The following DDX31 variants were observed in gnomAD, a reference collection of about 807,000 sequenced individuals.
DDX31 encodes the protein ATP-dependent DNA helicase DDX31.
Under a neutral mutation model 91.3 loss-of-function variants are expected in DDX31, and 70 were observed. That is an observed-to-expected ratio of 0.77 (90% confidence interval 0.63 to 0.94). The LOEUF (loss-of-function observed/expected upper bound fraction) is 0.94, where lower values mean the gene tolerates loss of function less well. Among genes scored for constraint, DDX31 ranks in the 40% least tolerant of loss-of-function variants. The pLI, the probability that DDX31 is intolerant of heterozygous loss-of-function variation, is 0.00. For synonymous variants in DDX31, 362 were observed against 350.6 expected, an observed-to-expected ratio of 1.03 and a Z score of -0.36; for missense variants, 902 against 925.0, an observed-to-expected ratio of 0.98 and a Z score of 0.32.
At chr9:132,642,631 T>G (rs1347252807) in intron 13 of DDX31, among the ~76,000 whole-genome samples, 4 of 150,402 alleles carry the variant, frequency 2.7e-5, no homozygotes, top group Non-Finnish European at 5.9e-5. Flanking sequence ...TAACCAAATA[T>G]GCAGCTTTCC....
intron 19 of DDX31, among the ~76,000 whole-genome samples, chr9:132,597,672 G>A (rs565484464): frequency 2.6e-5 from 4 of 152,286 alleles, no homozygotes; most frequent in Admixed American, 2.0e-4. Flanking sequence ...AGGCACCAGC[G>A]CTCAGGCAGT....
chr9:132,642,606 A>G (rs959883811), intron 13 of DDX31, among the ~76,000 whole-genome samples: 3 of 151,792 alleles, frequency 2.0e-5, no homozygotes, highest in African/African-American at 7.3e-5. Context: ...CCGAGTCTCC[A>G]TTTTATGCAT....
In DDX31 at chr9:132,612,274, G is replaced by A. The variant is rs1470259226; in HGVS notation, c.1826-19C>T. On this transcript the variant is annotated intron_variant, in intron 18 of 19. Transcript: ENST00000372159. ...TGCAGAGCTGAAAGAAAAGAGAGCG[G>A]GGAGGGAAGCTGTCAGGACCGGGGT... The A allele has an allele frequency of 1.2e-6, 2 of 1,613,818 alleles. No homozygotes were observed. The highest frequency in any genetic ancestry group is 2.7e-5 in the African/African-American group (2 of 74,918).
At chr9:132,622,141 T>C (rs984121908) in intron 17 of DDX31, among the ~76,000 whole-genome samples, 6 of 152,206 alleles carry the variant, frequency 3.9e-5, no homozygotes, top group Admixed American at 6.5e-5. Context: ...GGGCACTTTA[T>C]ACCTCGTTTT....
intron 18 of DDX31, among the ~76,000 whole-genome samples, chr9:132,614,201 T>G (rs1589987752): frequency 1.3e-5 from 2 of 152,236 alleles, no homozygotes; most frequent in South Asian, 2.1e-4. Context: ...ATCAAAGCTC[T>G]ATTTACTGAG....
chr9:132,639,336 C>G (rs1833340309), intron 14 of DDX31, among the ~76,000 whole-genome samples: 1 of 152,198 alleles, frequency 6.6e-6, no homozygotes, highest in East Asian at 1.9e-4. Flanking sequence ...CAGCTCTTCT[C>G]CAGTCATCTT....
At chr9:132,609,912 G>A (rs1404726512) in intron 19 of DDX31, among the ~76,000 whole-genome samples, 3 of 152,228 alleles carry the variant, frequency 2.0e-5, no homozygotes, top group East Asian at 3.9e-4. Context: ...GAGTCACCGC[G>A]CCTGGCCACA....
At chr9:132,610,568 A>G (rs1831266048) in intron 19 of DDX31, among the ~76,000 whole-genome samples, 1 of 152,084 alleles carries the variant, frequency 6.6e-6, no homozygotes, top group South Asian at 2.1e-4. Context: ...TCTGCTTTTT[A>G]GCTTGTAAGA....
chr9:132,662,887 G>C (rs1236221923), intron 1 of DDX31, among the ~76,000 whole-genome samples, 192 bp from the exon 2 acceptor site: 1 of 151,762 alleles, frequency 6.6e-6, no homozygotes, highest in Non-Finnish European at 1.5e-5. Context: ...GTAAAGAAAA[G>C]AAAAAAGAAA....
chr9:132,653,513 A>AAAAAAAAAAAAAAAAAAAAAAAAAAAAT, intron 6 of DDX31, among the ~76,000 whole-genome samples: 1 of 130,926 alleles, frequency 7.6e-6, no homozygotes, highest in Non-Finnish European at 1.5e-5. Flanking sequence ...AAAAAAAAAA[A>AAAAAAAAAAAAAAAAAAAAAAAAAAAAT]AAAAAAAAAA....
intron 17 of DDX31, among the ~76,000 whole-genome samples, chr9:132,625,332 G>C (rs1450716386): frequency 1.3e-5 from 2 of 152,028 alleles, no homozygotes; most frequent in African/African-American, 4.8e-5. Context: ...CGTCCTTGCT[G>C]AGAATCTGGA....
In DDX31 at chr9:132,642,066, AC is replaced by A; in HGVS notation, c.1381-4del. The stretch of plus-strand genomic sequence containing the variant: ...TCCTGAAACACTGCTGTTCTTTCCT[AC>A]AAAAACAAGGAAAAATAGAGCCTTA... On this transcript the variant is annotated splice_polypyrimidine_tract_variant and splice_region_variant and intron_variant, in intron 13 of 19. Coordinates refer to ENST00000372159, the MANE Select transcript of DDX31 (RefSeq NM_022779.9). 1 of 1,614,072 alleles carries A rather than the reference AC, an allele frequency of 6.2e-7. No individual in the cohort carries two copies. The highest frequency in any genetic ancestry group is 8.5e-7 in the Non-Finnish European group (1 of 1,179,940).
Position 132,659,793 on chromosome 9 carries a change from A to G in DDX31, c.453-13T>C. ...TTGCTTCTGAACACTGGGCCACCCG[A>G]AAAAAAGAACACACTTTACCTATAT... On this transcript the variant is annotated splice_polypyrimidine_tract_variant and intron_variant, in intron 4 of 19. Coordinates refer to ENST00000372159, the MANE Select transcript of DDX31 (RefSeq NM_022779.9). The G allele has an allele frequency of 6.2e-7, 1 of 1,611,386 alleles. No individual in the cohort carries two copies. Among genetic ancestry groups the G allele is most frequent in the Non-Finnish European group, 8.5e-7 (1 of 1,178,540 alleles).
At chr9:132,612,052 T>C in intron 19 of DDX31, 35 bp downstream of exon 19, 1 of 1,602,066 alleles carries the variant, frequency 6.2e-7, no homozygotes, top group Non-Finnish European at 8.5e-7. Flanking sequence ...CGGAGCTCTC[T>C]AGCCCCGTCA....
At chr9:132,597,237 T>C (rs1187081462) in intron 19 of DDX31, among the ~76,000 whole-genome samples, 1 of 152,118 alleles carries the variant, frequency 6.6e-6, no homozygotes, top group Non-Finnish European at 1.5e-5. Context: ...GTGCGGACCA[T>C]GTGCACCAGT....
chr9:132,605,166 C>A (rs1457629204), intron 19 of DDX31, among the ~76,000 whole-genome samples: 1 of 152,170 alleles, frequency 6.6e-6, no homozygotes, highest in Non-Finnish European at 1.5e-5. Context: ...ACAATTCCTT[C>A]TTCCTTTCTT....
At position 132,594,593 on chromosome 9, in the gene DDX31, G is replaced by A. The variant is rs750790221; in HGVS notation, c.*273C>T. 5 of 361,720 alleles carry A rather than the reference G, an allele frequency of 1.4e-5. No homozygotes were observed. Among genetic ancestry groups the A allele is most frequent in the Non-Finnish European group, 2.4e-5 (5 of 204,772 alleles). The allele number at this position is 361,720 out of a possible 1,614,324, so 22.4% of individuals were successfully genotyped here. A position where few individuals can be genotyped will look rare whatever the true frequency, so the allele number is the denominator to read the frequency against. On this transcript the variant is annotated 3_prime_UTR_variant, in exon 20 of 20. Transcript: ENST00000372159. Reference sequence around the variant, plus strand: ...TCAACCCCGGCACGTCAGCACCTGGGTGAAGGGAGTGCCGGGCACTGATGG... The same window carrying A: ...TCAACCCCGGCACGTCAGCACCTGGATGAAGGGAGTGCCGGGCACTGATGG...
chr9:132,655,508 G>A (rs1407558190), intron 6 of DDX31, among the ~76,000 whole-genome samples: 1 of 152,202 alleles, frequency 6.6e-6, no homozygotes, highest in Non-Finnish European at 1.5e-5. Context: ...AATTTCCCCA[G>A]GAGGATATAC....
At chr9:132,653,366 C>T (rs1374582621) in intron 6 of DDX31, among the ~76,000 whole-genome samples, 5 of 151,288 alleles carry the variant, frequency 3.3e-5, no homozygotes, top group South Asian at 4.2e-4. Context: ...TGGTGGCGGG[C>T]GCCTGTAATC....
Sources: allele counts gnomAD v4.1 joint callset (sites outside exome capture counted in the v4.1 genomes callset), GRCh38; gene constraint gnomAD v4.1.1; transcripts MANE v1.5; gene names NCBI Gene and HGNC (gene_info 2026-07-23, HGNC 2026-07-21).